The following ERC1 variants were observed in gnomAD, a reference collection of about 807,000 sequenced individuals.
The protein encoded by ERC1 is ELKS/RAB6-interacting/CAST family member 1.
In ERC1, 56 loss-of-function variants were observed where a neutral mutation model predicts 132.0. The observed-to-expected ratio is 0.42, with a 90% CI of 0.34 to 0.53. ERC1 has a LOEUF of 0.53. Ranked by LOEUF, ERC1 falls within the 20% of genes least tolerant of loss-of-function variation. The probability of loss-of-function intolerance (pLI) is 0.03; values close to 1 mark genes in which losing one functional copy is unlikely to be tolerated. For synonymous variants in ERC1, 478 were observed against 476.1 expected, an observed-to-expected ratio of 1.00 and a Z score of -0.05; for missense variants, 1,202 against 1,349.9, an observed-to-expected ratio of 0.89 and a Z score of 1.72.
chr12:1,431,330 T>G (rs2092791729), intron 17 of ERC1, among the ~76,000 whole-genome samples: 1 of 152,210 alleles, frequency 6.6e-6, no homozygotes, highest in Admixed American at 6.5e-5. Context: ...AATTAGTGTT[T>G]TAGACTTGTC....
chr12:1,079,877 A>G (rs1213309431), intron 2 of ERC1, among the ~76,000 whole-genome samples: 2 of 152,142 alleles, frequency 1.3e-5, no homozygotes, highest in Non-Finnish European at 2.9e-5. Context: ...ACAGATAGAA[A>G]TGATTTGTAA....
chr12:1,104,783 T>A lies in ERC1; in HGVS notation c.1120T>A (p.Ser374Thr). The change falls in exon 4 of 19, where the codon TCT (serine) becomes ACT (threonine). Residue 374 changes from serine to threonine, a missense_variant. Ser to Thr is a moderately conservative substitution (Grantham distance 58, BLOSUM62 1). Coordinates refer to ENST00000360905, the MANE Select transcript of ERC1 (RefSeq NM_178040.4). Reference sequence around the variant, plus strand: ...TCGAAGGTTTGAGAATGCTCCTGATTCTGCCAAAACAAAAGCTCTGCAAAC... The same window carrying A: ...TCGAAGGTTTGAGAATGCTCCTGATACTGCCAAAACAAAAGCTCTGCAAAC... Reference protein sequence around the residue: ...MHRRFENAPDSAKTKALQTVI... With the variant: ...MHRRFENAPDTAKTKALQTVI... 6.2e-7 allele frequency: 1 copy of A among 1,613,782 alleles called. No homozygotes were observed. The highest frequency in any genetic ancestry group is 8.5e-7 in the Non-Finnish European group (1 of 1,179,668).
intron 3 of ERC1, among the ~76,000 whole-genome samples, chr12:1,097,569 A>C (rs923117697): frequency 6.6e-6 from 1 of 152,092 alleles, no homozygotes; most frequent in African/African-American, 2.4e-5. Context: ...CTCTTTCTCC[A>C]GTAGCTCTTG....
At chr12:1,154,590 T>C (rs1951190187) in intron 8 of ERC1, among the ~76,000 whole-genome samples, 1 of 151,984 alleles carries the variant, frequency 6.6e-6, no homozygotes, top group African/African-American at 2.4e-5. Context: ...ACTAAAAAGC[T>C]TCTGTACAGC....
chr12:1,328,730 C>G (rs947332714), intron 15 of ERC1, among the ~76,000 whole-genome samples: 4 of 151,742 alleles, frequency 2.6e-5, no homozygotes, highest in African/African-American at 9.7e-5. Flanking sequence ...GAAGTCATTT[C>G]TTTCTCTGCG....
intron 13 of ERC1, among the ~76,000 whole-genome samples, chr12:1,256,434 A>T (rs2076826227): frequency 7.2e-6 from 1 of 139,766 alleles, no homozygotes; most frequent in South Asian, 2.4e-4. Flanking sequence ...AAAAAAAAAA[A>T]AGTTGATTCC....
chr12:1,124,926 A>G (rs61914265), intron 7 of ERC1, among the ~76,000 whole-genome samples: 11,857 of 152,214 alleles, frequency 0.078, 658 homozygotes, highest in Non-Finnish European at 0.12. Context: ...ATGGTAATCA[A>G]CCTCATCCCT....
chr12:1,248,811 A>T (rs915133462), intron 13 of ERC1, among the ~76,000 whole-genome samples: 2 of 152,216 alleles, frequency 1.3e-5, no homozygotes, highest in African/African-American at 4.8e-5. Context: ...GAGACAAACA[A>T]GCTTCTTTCT....
intron 15 of ERC1, among the ~76,000 whole-genome samples, chr12:1,297,128 A>G (rs1348640171): frequency 6.6e-6 from 1 of 151,928 alleles, no homozygotes; most frequent in Non-Finnish European, 1.5e-5. Flanking sequence ...GCATAAAGGG[A>G]AACTATGATA....
At chr12:1,076,964 G>A (rs751250480) in intron 2 of ERC1, among the ~76,000 whole-genome samples, 1 of 152,108 alleles carries the variant, frequency 6.6e-6, no homozygotes, top group African/African-American at 2.4e-5. Flanking sequence ...CAGCACAGAC[G>A]GGAACATCAG....
At chr12:1,418,589 CTCTTTCTTTCTTTCTTTCTTTCTTTCTT>C (rs71055147) in intron 17 of ERC1, among the ~76,000 whole-genome samples, 9 of 107,036 alleles carry the variant, frequency 8.4e-5, no homozygotes, top group South Asian at 6.2e-4. Context: ...TTCTTTCTTT[CTCTTTCTTTCTTTCTTTCTTTCTTTCTT>C]TCTTTCTTTC....
At chr12:1,404,561 A>G (rs1029670747) in intron 16 of ERC1, among the ~76,000 whole-genome samples, 2 of 152,206 alleles carry the variant, frequency 1.3e-5, no homozygotes, top group African/African-American at 2.4e-5. Context: ...TTAGGAGTTC[A>G]GTTTCCTACC....
intron 15 of ERC1, among the ~76,000 whole-genome samples, chr12:1,319,722 C>T (rs904637704): frequency 2.6e-5 from 4 of 152,072 alleles, no homozygotes; most frequent in African/African-American, 9.7e-5. Flanking sequence ...GAAACAAATT[C>T]ATGAATTGAG....
chr12:1,064,379 T>C (rs1017649294), intron 2 of ERC1, among the ~76,000 whole-genome samples: 1 of 152,080 alleles, frequency 6.6e-6, no homozygotes, highest in Non-Finnish European at 1.5e-5. Flanking sequence ...TTTCAGAATA[T>C]TCTTTTTTAT....
chr12:1,155,194 T>G (rs1331921960), intron 8 of ERC1, among the ~76,000 whole-genome samples: 4 of 151,478 alleles, frequency 2.6e-5, no homozygotes, highest in Non-Finnish European at 5.9e-5. Context: ...GGCATATTGG[T>G]ACGTGCCTGT....
chr12:1,484,140 C>A (rs942125898), intron 18 of ERC1, among the ~76,000 whole-genome samples: 8 of 151,692 alleles, frequency 5.3e-5, no homozygotes, highest in South Asian at 2.1e-4. Context: ...CCCATCTCTA[C>A]TAAAAATACA....
intron 18 of ERC1, chr12:1,480,692 G>A (rs1201729633): frequency 1.9e-6 from 1 of 540,002 alleles, no homozygotes. Flanking sequence ...AAGCCTAAAG[G>A]GGCCTGCCTT....
intron 16 of ERC1, among the ~76,000 whole-genome samples, chr12:1,374,118 G>C (rs1361548429): frequency 2.0e-5 from 3 of 152,216 alleles, no homozygotes; most frequent in Non-Finnish European, 4.4e-5. Context: ...CTTTTGGAAA[G>C]AGGATATGGC....
intron 16 of ERC1, among the ~76,000 whole-genome samples, chr12:1,385,622 G>T (rs1369347914): frequency 6.6e-6 from 1 of 152,184 alleles, no homozygotes; most frequent in Non-Finnish European, 1.5e-5. Flanking sequence ...TAGCCAGGAA[G>T]AACAGAAGGA....
Sources: gnomAD v4.1 joint callset for allele counts (sites outside exome capture counted in the v4.1 genomes callset) on GRCh38, gnomAD v4.1.1 for gene constraint, MANE v1.5 for transcripts, NCBI Gene and HGNC (gene_info 2026-07-23, HGNC 2026-07-21) for gene names.